The following CATSPERE variants were observed in gnomAD, a reference collection of about 807,000 sequenced individuals.
The protein encoded by CATSPERE is catsper channel auxiliary subunit epsilon.
In CATSPERE, 93 loss-of-function variants were observed where a neutral mutation model predicts 114.1. The observed-to-expected ratio is 0.81, with a 90% CI of 0.69 to 0.97. The LOEUF is 0.97. CATSPERE is among the 50% of genes least tolerant of loss of function. The pLI is 0.00. For synonymous variants in CATSPERE, 341 were observed against 384.1 expected (o/e 0.89, Z 1.31); for missense variants, 1,058 against 1,131.6 (o/e 0.93, Z 0.93).
chr1:244,507,927 G>C (rs1675063267), intron 7 of CATSPERE, among the ~76,000 whole-genome samples: 1 of 151,824 alleles, frequency 6.6e-6, no homozygotes, highest in South Asian at 2.1e-4. Context: ...TGTTCTTTTT[G>C]CTCATTATTG....
intron 17 of CATSPERE, among the ~76,000 whole-genome samples, chr1:244,602,749 G>A (rs563322757): frequency 6.6e-6 from 1 of 152,202 alleles, no homozygotes; most frequent in East Asian, 1.9e-4. Context: ...TTGTTACCCT[G>A]CAGGGAGTTC....
chr1:244,470,045 C>A (rs1668229036), intron 2 of CATSPERE, among the ~76,000 whole-genome samples: 1 of 151,970 alleles, frequency 6.6e-6, no homozygotes, highest in African/African-American at 2.4e-5. Flanking sequence ...AAAATTATAA[C>A]TCTGAATGGA....
intron 17 of CATSPERE, among the ~76,000 whole-genome samples, chr1:244,602,801 G>A (rs528866035): frequency 7.7e-4 from 117 of 152,254 alleles, no homozygotes; most frequent in African/African-American, 2.7e-3. Flanking sequence ...CTGAGGATTC[G>A]CTTTAGTCAG....
chr1:244,500,078 G>T (rs1673786394), intron 7 of CATSPERE, among the ~76,000 whole-genome samples: 2 of 152,044 alleles, frequency 1.3e-5, no homozygotes, highest in South Asian at 4.1e-4. Context: ...GATTTGATTT[G>T]CATTTCTCTT....
At chr1:244,636,123 A>T (rs537937677) in intron 21 of CATSPERE, among the ~76,000 whole-genome samples, 2 of 152,186 alleles carry the variant, frequency 1.3e-5, no homozygotes, top group Non-Finnish European at 2.9e-5. Flanking sequence ...TTTCAACCAT[A>T]GACCCTCATT....
At chr1:244,591,347 C>T (rs770413775) in intron 14 of CATSPERE, among the ~76,000 whole-genome samples, 1 of 151,430 alleles carries the variant, frequency 6.6e-6, no homozygotes, top group Non-Finnish European at 1.5e-5. Flanking sequence ...GTACAATAGA[C>T]CTCTGGAACT....
intron 7 of CATSPERE, among the ~76,000 whole-genome samples, chr1:244,506,509 T>G (rs1674836512): frequency 6.6e-6 from 1 of 152,228 alleles, no homozygotes; most frequent in Admixed American, 6.5e-5. Flanking sequence ...TACATTCCCA[T>G]TAACAGTACA....
Position 244,568,510 on chromosome 1 carries a change from G to A in CATSPERE, c.1508-3820G>A, listed in dbSNP as rs1422323728. Among the ~76,000 whole-genome samples the A allele has an allele frequency of 6.6e-6, 1 of 152,234 alleles. No homozygotes were observed. The highest frequency in any genetic ancestry group is 2.4e-5 in the African/African-American group (1 of 41,462). Reference sequence around the variant, plus strand: ...TTTTATCTATAAGCCCCTGAGTGGGGCTGCTGCCTTTCTTTCAGAGATGCG... The same window carrying A: ...TTTTATCTATAAGCCCCTGAGTGGGACTGCTGCCTTTCTTTCAGAGATGCG... On this transcript the variant is annotated intron_variant, in intron 10 of 21. Transcript: ENST00000366534. This position sits in a 1 kb window ranked among gnomAD's most constrained non-coding sequence, Gnocchi z 4.4.
chr1:244,552,627 A>T lies in CATSPERE; in HGVS notation c.842A>T (p.Asp281Val). The change falls in exon 9 of 22, where the codon GAT (aspartate) becomes GTT (valine). Residue 281 changes from aspartate (D) to valine (V), a missense_variant. Coordinates refer to ENST00000366534, the MANE Select transcript of CATSPERE (RefSeq NM_001130957.2). ...RIRVPPDILSDDERRSVAHVI... is the reference protein window; with the variant it reads ...RIRVPPDILSVDERRSVAHVI... Reference sequence around the variant, plus strand: ...AGAGTGCCTCCAGACATTCTGAGTGATGATGAAAGACGGAGTGTGGCTCAT... The same window carrying T: ...AGAGTGCCTCCAGACATTCTGAGTGTTGATGAAAGACGGAGTGTGGCTCAT... 1 of 1,614,194 alleles carries T rather than the reference A, an allele frequency of 6.2e-7. No individual in the cohort carries two copies. Among genetic ancestry groups the T allele is most frequent in the Admixed American group, 1.7e-5 (1 of 60,026 alleles).
chr1:244,611,923 C>T (rs1011623072), intron 19 of CATSPERE, among the ~76,000 whole-genome samples: 5 of 152,142 alleles, frequency 3.3e-5, no homozygotes, highest in African/African-American at 1.2e-4. Context: ...TCCAAAAGAC[C>T]TTGTTGAAAT....
intron 20 of CATSPERE, among the ~76,000 whole-genome samples, chr1:244,632,116 C>T (rs1343051866): frequency 1.3e-5 from 2 of 151,984 alleles, no homozygotes; most frequent in East Asian, 3.9e-4. Flanking sequence ...AATACTGTGG[C>T]CATGTGTGGT....
At chr1:244,499,726 C>A (rs1003498355) in intron 7 of CATSPERE, among the ~76,000 whole-genome samples, 1 of 152,132 alleles carries the variant, frequency 6.6e-6, no homozygotes, top group Non-Finnish European at 1.5e-5. Flanking sequence ...GCCACATTTT[C>A]TTTATCCAGT....
intron 4 of CATSPERE, 54 bp downstream of exon 4, chr1:244,478,029 T>C: frequency 5.3e-6 from 7 of 1,311,846 alleles, no homozygotes; most frequent in Non-Finnish European, 7.6e-6. Flanking sequence ...CCTGTTATCC[T>C]GTTACATTTT....
At chr1:244,546,664 A>C (rs1659803990) in intron 8 of CATSPERE, among the ~76,000 whole-genome samples, 1 of 152,238 alleles carries the variant, frequency 6.6e-6, no homozygotes, top group South Asian at 2.1e-4. Flanking sequence ...TCAAACAAAA[A>C]TGCAAGTGCT....
upstream of CATSPERE, chr1:244,451,957 A>G: frequency 1.1e-6 from 1 of 871,638 alleles, no homozygotes; most frequent in Non-Finnish European, 1.6e-6. This position sits in a 1 kb window ranked among gnomAD's most constrained non-coding sequence, Gnocchi z 6.6. Context: ...CCGGGCCGCC[A>G]CCCTCCAGCC....
At chr1:244,638,670 C>G (rs556762159) in intron 21 of CATSPERE, among the ~76,000 whole-genome samples, 4 of 152,196 alleles carry the variant, frequency 2.6e-5, no homozygotes, top group Non-Finnish European at 5.9e-5. Context: ...TCTTATCACA[C>G]GCTCCCCTAT....
At chr1:244,621,188 G>GTATATCT (rs1672222422) in intron 20 of CATSPERE, among the ~76,000 whole-genome samples, 1 of 13,752 alleles carries the variant, frequency 7.3e-5, no homozygotes, top group African/African-American at 1.8e-4. Context: ...TATTTATATA[G>GTATATCT]ATATATTTAT....
At chr1:244,564,959 G>T (rs988312040) in intron 10 of CATSPERE, among the ~76,000 whole-genome samples, 1 of 152,052 alleles carries the variant, frequency 6.6e-6, no homozygotes, top group Non-Finnish European at 1.5e-5. Context: ...TAGCATGAAG[G>T]GGTGTTGAAT....
intron 17 of CATSPERE, among the ~76,000 whole-genome samples, chr1:244,599,092 G>A (rs990671507): frequency 2.0e-5 from 3 of 152,154 alleles, no homozygotes; most frequent in Admixed American, 2.0e-4. Context: ...TGTATGGGAT[G>A]TTTTAAAGGC....
Sources: gnomAD v4.1 joint callset for allele counts (sites outside exome capture counted in the v4.1 genomes callset) on GRCh38, gnomAD v4.1.1 for gene constraint, Gnocchi (gnomAD v3.1) non-coding constraint, MANE v1.5 for transcripts, NCBI Gene and HGNC (gene_info 2026-07-23, HGNC 2026-07-21) for gene names.